The following KDM6A variants were observed in gnomAD, a reference collection of about 807,000 sequenced individuals.
KDM6A encodes lysine-specific demethylase 6A.
In KDM6A, 11 loss-of-function variants were observed where a neutral mutation model predicts 117.6. The observed-to-expected ratio is 0.09, with a 90% confidence interval of 0.06 to 0.15. KDM6A has a LOEUF of 0.15. KDM6A is among the 10% of genes least tolerant of loss of function. The pLI, the probability that KDM6A is intolerant of heterozygous loss-of-function variation, is 1.00. For synonymous variants in KDM6A, 384 were observed against 396.1 expected (o/e 0.97, Z 0.36); for missense variants, 799 against 1,077.3 (o/e 0.74, Z 3.62).
chrX:45,091,499 T>C (rs2045894054), intron 27 of KDM6A, among the ~76,000 whole-genome samples: 1 of 111,772 alleles, frequency 8.9e-6, no homozygotes, highest in African/African-American at 3.2e-5. Context: ...TTTCCACTAC[T>C]AGCTCTGTCC....
Position 45,041,469 on chromosome X carries a change from G to A in KDM6A, c.654+3780G>A, listed in dbSNP as rs1253894458. 8.4e-5 allele frequency among the ~76,000 whole-genome samples: 9 copies of A among 107,129 alleles called. No individual in the cohort carries two copies. The East Asian group carries it at 2.5e-3, about 29-fold the overall frequency. 93.0% of individuals were successfully genotyped at this position (107,129 alleles called of 115,157 possible). On this transcript the variant is annotated intron_variant, in intron 8 of 29. Transcript: ENST00000611820. ...TCCCTCCCGGACGGGGTGGCTGCCG[G>A]GCGGAGACGCTCCTCACTTCCCAGA...
At chrX:44,991,212 G>T (rs2040562247) in intron 4 of KDM6A, among the ~76,000 whole-genome samples, 1 of 111,590 alleles carries the variant, frequency 9.0e-6, no homozygotes, top group Admixed American at 9.5e-5. Flanking sequence ...TTCAATCAAA[G>T]GTTTGTAAAT....
At chrX:44,908,916 C>T (rs144200721) in intron 2 of KDM6A, among the ~76,000 whole-genome samples, 4,304 of 112,018 alleles carry the variant, frequency 0.038, 222 homozygotes, top group African/African-American at 0.13. Flanking sequence ...AAGTCCTTTG[C>T]GTGATGATTT....
At chrX:44,958,930 GATT>G (rs1456736077) in intron 2 of KDM6A, among the ~76,000 whole-genome samples, 1 of 111,013 alleles carries the variant, frequency 9.0e-6, no homozygotes, top group Non-Finnish European at 1.9e-5. Context: ...TTTTATTGTA[GATT>G]ATTGTATGAG....
Position 45,109,121 on chromosome X carries a change from T to TA in KDM6A, c.4162-951dup, listed in dbSNP as rs1404250760. On this transcript the variant is annotated intron_variant, in intron 28 of 29. Coordinates refer to ENST00000611820, the MANE Select transcript of KDM6A (RefSeq NM_001291415.2). ...GTACCCTAAAACTTAAAGTATAATT[T>TA]AAAAAAATAATAATAATAATAAATA... is the stretch of plus-strand genomic sequence containing the variant. Among the ~76,000 whole-genome samples, 843 of 93,031 alleles carry TA rather than the reference T, an allele frequency of 9.1e-3. 10 individuals carry two copies. Among genetic ancestry groups the TA allele is most frequent in the African/African-American group, 0.031 (796 of 25,546 alleles). 80.8% of individuals were successfully genotyped at this position (93,031 alleles called of 115,157 possible). A position where few individuals can be genotyped will look rare whatever the true frequency, so the allele number is the denominator to read the frequency against.
intron 2 of KDM6A, among the ~76,000 whole-genome samples, chrX:44,954,273 T>C (rs1386635155): frequency 1.8e-5 from 2 of 111,258 alleles, no homozygotes; most frequent in African/African-American, 6.5e-5. Context: ...CCTTCTGATT[T>C]ACGACACATC....
At chrX:45,074,156 G>T (rs2044999502) in intron 18 of KDM6A, among the ~76,000 whole-genome samples, 1 of 111,294 alleles carries the variant, frequency 9.0e-6, no homozygotes, top group Non-Finnish European at 1.9e-5. Flanking sequence ...TCTTGTTTTT[G>T]TCAGGTTTGT....
At chrX:45,108,733 T>C (rs1322057708) in intron 28 of KDM6A, among the ~76,000 whole-genome samples, 1 of 98,921 alleles carries the variant, frequency 1.0e-5, no homozygotes, top group Non-Finnish European at 2.0e-5. Flanking sequence ...TGTCCAACAA[T>C]GATAGACTGG....
At chrX:44,987,114 A>G (rs1267342393) in intron 4 of KDM6A, among the ~76,000 whole-genome samples, 2 of 111,600 alleles carry the variant, frequency 1.8e-5, no homozygotes, top group African/African-American at 3.3e-5. Flanking sequence ...GTGCATATAT[A>G]TTTAGGATAG....
At chrX:45,106,531 C>T (rs1244514362) in intron 27 of KDM6A, 1 of 339,283 alleles carries the variant, frequency 2.9e-6, no homozygotes. Flanking sequence ...AACCCATTTC[C>T]TTTTCTTTAG....
intron 2 of KDM6A, among the ~76,000 whole-genome samples, chrX:44,917,166 A>T (rs2035616100): frequency 9.1e-6 from 1 of 109,804 alleles, no homozygotes; most frequent in Non-Finnish European, 1.9e-5. Flanking sequence ...GCTGGAATTA[A>T]CAGGCACGTG....
chrX:44,932,084 CTTT>C (rs796121677), intron 2 of KDM6A, among the ~76,000 whole-genome samples: 102 of 17,090 alleles, frequency 6.0e-3, no homozygotes, highest in African/African-American at 0.014. Context: ...TCTAGGTAGC[CTTT>C]TTTTTTTTTT....
At chrX:44,939,767 C>T (rs1411429115) in intron 2 of KDM6A, among the ~76,000 whole-genome samples, 2 of 111,754 alleles carry the variant, frequency 1.8e-5, no homozygotes, top group Admixed American at 9.5e-5. Flanking sequence ...CCCTAAACTT[C>T]AGCAACCACC....
At chrX:44,947,326 C>T (rs1266384069) in intron 2 of KDM6A, among the ~76,000 whole-genome samples, 2 of 109,875 alleles carry the variant, frequency 1.8e-5, no homozygotes, top group Middle Eastern at 4.7e-3. Flanking sequence ...GTTAAATTCT[C>T]GTCTGAAGTT....
At chrX:45,087,781 A>G (rs1411696880) in intron 25 of KDM6A, among the ~76,000 whole-genome samples, 1 of 111,680 alleles carries the variant, frequency 9.0e-6, no homozygotes, top group Admixed American at 9.5e-5. Context: ...GAATAAGCAG[A>G]TGATGTCCAA....
chrX:44,987,388 G>T (rs926543938), intron 4 of KDM6A, among the ~76,000 whole-genome samples: 2 of 111,321 alleles, frequency 1.8e-5, no homozygotes, highest in Non-Finnish European at 3.8e-5. Flanking sequence ...CTTTTAATTG[G>T]AGCATTTAGC....
At chrX:44,901,224 T>C (rs1251520899) in intron 2 of KDM6A, among the ~76,000 whole-genome samples, 1 of 110,764 alleles carries the variant, frequency 9.0e-6, no homozygotes, top group Non-Finnish European at 1.9e-5. Context: ...TCTACTAAAA[T>C]ACAAAAATTA....
chrX:45,062,327 T>C (rs768123416), intron 15 of KDM6A, among the ~76,000 whole-genome samples: 1 of 112,415 alleles, frequency 8.9e-6, no homozygotes, highest in East Asian at 2.8e-4. Flanking sequence ...GCTTTTAGCA[T>C]ACTTGTCAAT....
chrX:45,040,379 C>T (rs1188988733), intron 8 of KDM6A, among the ~76,000 whole-genome samples: 1 of 91,630 alleles, frequency 1.1e-5, no homozygotes, highest in Middle Eastern at 7.5e-3. Context: ...CCGGACAGGG[C>T]GGCTGGCCAG....
Sources: gnomAD v4.1 joint callset for allele counts (sites outside exome capture counted in the v4.1 genomes callset) on GRCh38, gnomAD v4.1.1 for gene constraint, MANE v1.5 for transcripts, NCBI Gene and HGNC (gene_info 2026-07-23, HGNC 2026-07-21) for gene names.